FAAH2: variants seen among roughly 807,000 people sequenced by gnomAD.
FAAH2 encodes fatty acid amide hydrolase 2, also known as fatty-acid amide hydrolase 2.
Under a neutral mutation model 36.9 loss-of-function variants are expected in FAAH2, and 60 were observed. The observed-to-expected ratio is 1.63, with a 90% CI of 1.32 to 2.02. FAAH2 has a LOEUF of 2.02. Among genes scored for constraint, FAAH2 ranks in the 30% most tolerant of loss-of-function variants. The pLI, the probability that FAAH2 is intolerant of heterozygous loss-of-function variation, is 0.00. For synonymous variants in FAAH2, 214 were observed against 143.8 expected (o/e 1.49, Z -3.49); for missense variants, 689 against 397.5 (o/e 1.73, Z -6.23).
At chrX:57,299,291 C>A (rs1250507667) in intron 2 of FAAH2, among the ~76,000 whole-genome samples, 1 of 112,235 alleles carries the variant, frequency 8.9e-6, no homozygotes, top group Non-Finnish European at 1.9e-5. Flanking sequence ...GGATGCAAGG[C>A]TGGTTCAACA....
chrX:57,427,694 A>G (rs1223522291), intron 7 of FAAH2, among the ~76,000 whole-genome samples: 1 of 111,819 alleles, frequency 8.9e-6, no homozygotes, highest in Non-Finnish European at 1.9e-5. Flanking sequence ...AAATTAATAG[A>G]ATTCAGCATA....
chrX:57,342,269 C>A (rs1378057460), intron 5 of FAAH2, among the ~76,000 whole-genome samples: 2 of 111,154 alleles, frequency 1.8e-5, no homozygotes, highest in African/African-American at 6.5e-5. Context: ...AACGCAGGAA[C>A]AGAAAACCAA....
intron 4 of FAAH2, among the ~76,000 whole-genome samples, chrX:57,335,659 G>A (rs2053530067): frequency 9.0e-6 from 1 of 111,374 alleles, no homozygotes. Context: ...ACTGCAAAGA[G>A]GCGTTCCTTC....
At chrX:57,395,348 T>C in intron 7 of FAAH2, 1 of 685,289 alleles carries the variant, frequency 1.5e-6, no homozygotes, top group East Asian at 3.8e-5. Flanking sequence ...GACTTGATTC[T>C]TCAGTCTCGC....
At chrX:57,166,274 C>T in the FAAH2 span, among the ~76,000 whole-genome samples, 1 of 111,360 alleles carries the variant, frequency 9.0e-6, no homozygotes, top group African/African-American at 3.3e-5. Context: ...ATGTGGGATC[C>T]GATTTTTCTG....
At chrX:57,162,087 C>A in the FAAH2 span, among the ~76,000 whole-genome samples, 3 of 111,348 alleles carry the variant, frequency 2.7e-5, no homozygotes, top group Non-Finnish European at 5.6e-5. Flanking sequence ...ATTTGCTTGT[C>A]TGTAAAATAT....
At chrX:57,386,503 A>G (rs2055027185) in intron 7 of FAAH2, among the ~76,000 whole-genome samples, 2 of 111,656 alleles carry the variant, frequency 1.8e-5, no homozygotes, top group Non-Finnish European at 3.8e-5. Context: ...GGAGGAAAAA[A>G]GTAAGTGAAT....
the FAAH2 span, among the ~76,000 whole-genome samples, chrX:57,183,933 C>A: frequency 9.1e-6 from 1 of 109,763 alleles, no homozygotes; most frequent in African/African-American, 3.3e-5. Flanking sequence ...ATATTAATAC[C>A]CTGGGAGCCA....
intron 5 of FAAH2, among the ~76,000 whole-genome samples, chrX:57,357,297 C>T (rs6611615): frequency 0.54 from 59,300 of 109,963 alleles, 14,289 homozygotes; most frequent in Non-Finnish European, 0.75. Flanking sequence ...GACTAACACA[C>T]CAAAAACAAT....
chrX:57,249,476 CTAGT>C, the FAAH2 span, among the ~76,000 whole-genome samples: 2 of 112,119 alleles, frequency 1.8e-5, no homozygotes, highest in African/African-American at 6.5e-5. Context: ...GCCCCAGACC[CTAGT>C]TAAAGATTAG....
At chrX:57,469,326 C>A (rs1057470044) in intron 10 of FAAH2, among the ~76,000 whole-genome samples, 7 of 111,360 alleles carry the variant, frequency 6.3e-5, no homozygotes, top group East Asian at 5.7e-4. Flanking sequence ...GAGTCAAGAC[C>A]CATCAGTGTG....
chrX:57,482,164 C>T (rs999141319), intron 10 of FAAH2, among the ~76,000 whole-genome samples: 6 of 111,819 alleles, frequency 5.4e-5, no homozygotes, highest in African/African-American at 2.0e-4. Flanking sequence ...TGGTTCTTAG[C>T]TTGCTGGACT....
chrX:57,235,924 A>G, the FAAH2 span, among the ~76,000 whole-genome samples: 1 of 112,407 alleles, frequency 8.9e-6, no homozygotes, highest in Non-Finnish European at 1.9e-5. Flanking sequence ...CCACTATGTA[A>G]GAGAGCACCA....
the FAAH2 span, among the ~76,000 whole-genome samples, chrX:57,169,496 GTATATATATATATATATATA>G: frequency 5.5e-5 from 2 of 36,094 alleles, no homozygotes; most frequent in Non-Finnish European, 6.7e-5. Context: ...TCAAACACCA[GTATATATATATATATATATA>G]TATATATATA....
intron 8 of FAAH2, among the ~76,000 whole-genome samples, chrX:57,443,029 G>T (rs1017830632): frequency 5.4e-5 from 6 of 111,756 alleles, no homozygotes; most frequent in African/African-American, 2.0e-4. Context: ...CTTTCTCTCT[G>T]TCTGCCCTTG....
chrX:57,274,114 C>T, the FAAH2 span, among the ~76,000 whole-genome samples: 1 of 112,097 alleles, frequency 8.9e-6, no homozygotes, highest in African/African-American at 3.2e-5. Flanking sequence ...AAACTACCAT[C>T]AGAGAATACA....
rs377492990 is a variant in FAAH2, at chrX:57,334,517, A to C, written c.622+2710A>C. On this transcript the variant is annotated intron_variant, in intron 4 of 10. Coordinates refer to ENST00000374900, the MANE Select transcript of FAAH2 (RefSeq NM_174912.4). Reference sequence around the variant, plus strand: ...AACCAAAAACCTGAATTAATGTAAAAAAAAAAAGAAAATTATTAGAGAAAG... The same window carrying C: ...AACCAAAAACCTGAATTAATGTAAACAAAAAAAGAAAATTATTAGAGAAAG... 3.6e-5 allele frequency among the ~76,000 whole-genome samples: 4 copies of C among 111,307 alleles called. No homozygotes were observed. The East Asian group carries it at 1.1e-3, about 31-fold the overall frequency.
the FAAH2 span, among the ~76,000 whole-genome samples, chrX:57,157,927 C>T: frequency 1.8e-5 from 2 of 110,181 alleles, no homozygotes; most frequent in South Asian, 3.9e-4. Flanking sequence ...TATACAAGTG[C>T]CATGTTGGTG....
chrX:57,430,857 T>A (rs2056278219), intron 7 of FAAH2, among the ~76,000 whole-genome samples: 2 of 112,016 alleles, frequency 1.8e-5, no homozygotes, highest in Non-Finnish European at 3.8e-5. Context: ...AATTTATTTC[T>A]CGTAATTGTG....
Sources: gnomAD v4.1 joint callset for allele counts (sites outside exome capture counted in the v4.1 genomes callset) on GRCh38, gnomAD v4.1.1 for gene constraint, MANE v1.5 for transcripts, NCBI Gene and HGNC (gene_info 2026-07-23, HGNC 2026-07-21) for gene names.